The following MYO9A variants were observed in gnomAD, a reference collection of about 807,000 sequenced individuals.
The protein encoded by MYO9A is myosin IXA.
Under a neutral mutation model 293.3 loss-of-function variants are expected in MYO9A, and 103 were observed. That is an observed-to-expected ratio of 0.35 (90% CI 0.30 to 0.41). The LOEUF (loss-of-function observed/expected upper bound fraction) is 0.41, where lower values mean the gene tolerates loss of function less well. MYO9A is among the 10% of genes least tolerant of loss of function. MYO9A has a pLI of 1.00. For synonymous variants in MYO9A, 1,001 were observed against 1,035.7 expected, an observed-to-expected ratio of 0.97 and a Z score of 0.64; for missense variants, 2,685 against 3,033.0, an observed-to-expected ratio of 0.89 and a Z score of 2.69.
chr15:71,933,909 G>A (rs1382528225), intron 17 of MYO9A, among the ~76,000 whole-genome samples, 200 bp from the exon 18 acceptor site: 2 of 152,058 alleles, frequency 1.3e-5, no homozygotes, highest in Non-Finnish European at 2.9e-5. Context: ...ACAAGGAAAA[G>A]ATACCTGCCT....
In MYO9A at chr15:72,007,662, G is replaced by A. The variant is rs535122555; in HGVS notation, c.1380+164C>T. On this transcript the variant is annotated intron_variant, in intron 8 of 41. Transcript: ENST00000356056. ...CACATCCAATAGCAAACTGAGGCAG[G>A]TATCAGGAAAAATTAGATCTTTTGG... Among the ~76,000 whole-genome samples the A allele has an allele frequency of 3.8e-4, 58 of 152,218 alleles. No individual in the cohort carries two copies. The South Asian group carries it at 6.4e-3, about 17-fold the overall frequency.
At chr15:71,956,330 A>AAAAAAATATATATATATATATATAT (rs10642655) in intron 14 of MYO9A, among the ~76,000 whole-genome samples, 2 of 75,580 alleles carry the variant, frequency 2.6e-5, no homozygotes, top group African/African-American at 1.2e-4. Flanking sequence ...AAAAAAAAAA[A>AAAAAAATATATATATATATATATAT]ATATATATAT....
Position 72,103,293 on chromosome 15 carries a change from CAGCAGCAGAAGCAGA to C in MYO9A, c.-72+14372_-72+14386del, listed in dbSNP as rs1277322358. ...CAGCAGCAGAAGCAGCAGCAAGCAGCAGCAGCAGAAGCAGAAGCAGCAGCAAGCAGCAGCAGCAGA... is the reference window on the plus strand; with the variant it reads ...CAGCAGCAGAAGCAGCAGCAAGCAGCAGCAGCAGCAAGCAGCAGCAGCAGA... On this transcript the variant is annotated intron_variant, in intron 1 of 41. Coordinates refer to ENST00000356056, the MANE Select transcript of MYO9A (RefSeq NM_006901.4). Among the ~76,000 whole-genome samples the C allele has an allele frequency of 2.2e-5, 3 of 137,740 alleles. No individual in the cohort carries two copies. The East Asian group carries it at 7.0e-4, about 32-fold the overall frequency. The allele number at this position is 137,740 out of a possible 152,430, so 90.4% of individuals were successfully genotyped here. A position where few individuals can be genotyped will look rare whatever the true frequency, so the allele number is the denominator to read the frequency against.
intron 37 of MYO9A, among the ~76,000 whole-genome samples, chr15:71,850,911 T>C (rs1395512705): frequency 6.6e-6 from 1 of 151,508 alleles, no homozygotes; most frequent in Non-Finnish European, 1.5e-5. Flanking sequence ...CTTTGGTCAA[T>C]TCCTGAGAAT....
At chr15:72,028,240 A>AAATATAT (rs1566963008) in intron 3 of MYO9A, among the ~76,000 whole-genome samples, 1 of 79,702 alleles carries the variant, frequency 1.3e-5, no homozygotes, top group Non-Finnish European at 3.0e-5. Flanking sequence ...TATATATATA[A>AAATATAT]ATATATATAT....
intron 21 of MYO9A, 57 bp downstream of exon 21, chr15:71,903,872 G>T (rs2057553874): frequency 1.4e-6 from 2 of 1,390,376 alleles, no homozygotes; most frequent in Non-Finnish European, 2.0e-6. Context: ...AGCAAGATAT[G>T]TGGGAATCAT....
chr15:71,873,608 A>C (rs1202919945), intron 32 of MYO9A, among the ~76,000 whole-genome samples: 1 of 152,182 alleles, frequency 6.6e-6, no homozygotes, highest in South Asian at 2.1e-4. Context: ...CTAGGTAACT[A>C]ATTTATTTTC....
At chr15:72,074,951 C>CTT (rs750462703) in intron 1 of MYO9A, among the ~76,000 whole-genome samples, 1,205 of 53,078 alleles carry the variant, frequency 0.023, 219 homozygotes, top group East Asian at 0.1. Flanking sequence ...TTTTCACTGC[C>CTT]TTTTTTTTTT....
chr15:71,898,931 G>A lies in MYO9A; in HGVS notation c.3572C>T (p.Pro1191Leu), dbSNP rs768494442. The A allele has an allele frequency of 1.2e-6, 2 of 1,614,048 alleles. No homozygotes were observed. Among genetic ancestry groups the A allele is most frequent in the Non-Finnish European group, 1.7e-6 (2 of 1,179,962 alleles). ...YGSLEIQGSD[P>L]SGWEDCSFDN... is the part of the protein sequence containing the mutation. ...AAAAGAACAATCCTCCCATCCTGAA[G>A]GGTCTGAACCCTGAATTTCCAGAGA... Residue 1191 changes from proline (P) to leucine (L), a missense_variant, in exon 25 of 42, where the codon CCT becomes CTT. Transcript: ENST00000356056.
chr15:71,984,589 C>G (rs1482249046), intron 11 of MYO9A, among the ~76,000 whole-genome samples: 1 of 152,094 alleles, frequency 6.6e-6, no homozygotes, highest in Non-Finnish European at 1.5e-5. Context: ...ACATGTTAGA[C>G]CTTTTTACTA....
At chr15:71,876,685 C>T (rs2056704147) in intron 31 of MYO9A, among the ~76,000 whole-genome samples, 1 of 152,030 alleles carries the variant, frequency 6.6e-6, no homozygotes, top group Non-Finnish European at 1.5e-5. Flanking sequence ...CTGCTCACCT[C>T]AGCCTCCCAA....
intron 9 of MYO9A, among the ~76,000 whole-genome samples, chr15:71,995,780 T>C (rs1258349738): frequency 6.6e-6 from 1 of 152,146 alleles, no homozygotes; most frequent in East Asian, 1.9e-4. Context: ...TTTCTACTTA[T>C]TCTAGCTGCA....
chr15:72,031,062 T>C (rs1402569563), intron 3 of MYO9A, among the ~76,000 whole-genome samples: 1 of 152,030 alleles, frequency 6.6e-6, no homozygotes, highest in Non-Finnish European at 1.5e-5. Context: ...CACATGAGAG[T>C]GATCTAGGCT....
chr15:72,095,940 G>A (rs1387289798), intron 1 of MYO9A, among the ~76,000 whole-genome samples: 1 of 151,952 alleles, frequency 6.6e-6, no homozygotes, highest in Non-Finnish European at 1.5e-5. Flanking sequence ...ATTAAGGTGG[G>A]TAGATCACCT....
chr15:71,978,064 A>C (rs2076187035), intron 12 of MYO9A, 107 bp downstream of exon 12: 7 of 1,240,032 alleles, frequency 5.6e-6, no homozygotes, highest in African/African-American at 1.5e-5. Flanking sequence ...TAAATTGTAC[A>C]AAAAAAATTT....
At chr15:72,100,572 C>T (rs915371309) in intron 1 of MYO9A, among the ~76,000 whole-genome samples, 3 of 151,808 alleles carry the variant, frequency 2.0e-5, no homozygotes, top group East Asian at 2.0e-4. Flanking sequence ...TCTGCCCGGC[C>T]GCCCATCATC....
intron 37 of MYO9A, 57 bp from the exon 38 acceptor site, chr15:71,850,224 T>C (rs1009856094): frequency 3.1e-5 from 49 of 1,586,132 alleles, no homozygotes; most frequent in Middle Eastern, 1.7e-4. Context: ...GGGAGCACCA[T>C]AGGGAAATAG....
chr15:71,911,460 T>C (rs1041908766), intron 19 of MYO9A, among the ~76,000 whole-genome samples: 1 of 152,180 alleles, frequency 6.6e-6, no homozygotes, highest in Non-Finnish European at 1.5e-5. Flanking sequence ...GTTTCACCGC[T>C]TGAAGAAAGA....
In MYO9A at chr15:71,893,672, A is replaced by T. The variant is rs373630689; in HGVS notation, c.5142+7T>A. 1.9e-6 allele frequency: 3 copies of T among 1,608,790 alleles called. No individual in the cohort carries two copies. In the African/African-American group the frequency reaches 4.0e-5, roughly 22 times the overall value. ...AGAAGATAGATAAACAAAAACTCAA[A>T]ACTTACCTCTCTTTGGCCTGGCCCA... On this transcript the variant is annotated splice_region_variant and intron_variant, in intron 26 of 41. Coordinates refer to ENST00000356056, the MANE Select transcript of MYO9A (RefSeq NM_006901.4).
Sources: gnomAD v4.1 joint callset for allele counts (sites outside exome capture counted in the v4.1 genomes callset) on GRCh38, gnomAD v4.1.1 for gene constraint, MANE v1.5 for transcripts, NCBI Gene and HGNC (gene_info 2026-07-23, HGNC 2026-07-21) for gene names.